KDM6A: variants seen among roughly 807,000 people sequenced by gnomAD.
The protein encoded by KDM6A is lysine demethylase 6A.
In KDM6A, 11 loss-of-function variants were observed where a neutral mutation model predicts 117.6. The ratio of observed to expected loss-of-function variants is 0.09; its 90% CI spans 0.06 to 0.15. The LOEUF is 0.15. Ranked by LOEUF, KDM6A falls within the 10% of genes least tolerant of loss-of-function variation. KDM6A has a pLI of 1.00. For missense variants in KDM6A, 799 were observed against 1,077.3 expected (o/e 0.74, Z 3.62); for synonymous variants, 384 against 396.1 (o/e 0.97, Z 0.36).
intron 4 of KDM6A, among the ~76,000 whole-genome samples, chrX:45,009,129 A>G (rs1235070324): frequency 4.5e-5 from 5 of 112,219 alleles, no homozygotes; most frequent in Non-Finnish European, 9.4e-5. Flanking sequence ...ATTCGAGGAT[A>G]ATCCAGAGTA....
At chrX:44,878,048 G>A (rs2031867287) in intron 2 of KDM6A, among the ~76,000 whole-genome samples, 1 of 111,599 alleles carries the variant, frequency 9.0e-6, no homozygotes, top group South Asian at 3.7e-4. Context: ...TCTCATTTAT[G>A]TGTGTTTTTT....
chrX:44,988,103 G>A lies in KDM6A; in HGVS notation c.384+13388G>A, dbSNP rs772944119. Among the ~76,000 whole-genome samples the A allele has an allele frequency of 2.2e-3, 243 of 111,697 alleles. 1 individual carries two copies. The highest frequency in any genetic ancestry group is 4.0e-3 in the Non-Finnish European group (210 of 53,128). On this transcript the variant is annotated intron_variant, in intron 4 of 29. Coordinates refer to ENST00000611820, the MANE Select transcript of KDM6A (RefSeq NM_001291415.2). ...CCCGTATTTCTTGCAGGCTTTGTTC[G>A]TTTCTTTTTATTCTTTTTTCTCTAA... is the stretch of plus-strand genomic sequence containing the variant.
At chrX:45,068,083 A>G (rs1326244130) in intron 17 of KDM6A, among the ~76,000 whole-genome samples, 1 of 111,761 alleles carries the variant, frequency 8.9e-6, no homozygotes, top group Non-Finnish European at 1.9e-5. Flanking sequence ...TAGATGATTA[A>G]ATGCACCTTT....
At chrX:45,077,234 A>G (rs763111004) in intron 19 of KDM6A, among the ~76,000 whole-genome samples, 6 of 110,620 alleles carry the variant, frequency 5.4e-5, no homozygotes, top group East Asian at 2.8e-4. Flanking sequence ...GTTTGAGAAC[A>G]TAAGTGTGAT....
chrX:44,992,008 C>T (rs897326808), intron 4 of KDM6A, among the ~76,000 whole-genome samples: 11 of 110,183 alleles, frequency 1.0e-4, no homozygotes, highest in Admixed American at 6.8e-4. Flanking sequence ...GTTTTTAATG[C>T]CCCATCAGGG....
chrX:45,088,130 A>G (rs971040222), intron 25 of KDM6A, among the ~76,000 whole-genome samples: 4 of 111,665 alleles, frequency 3.6e-5, no homozygotes, highest in African/African-American at 6.5e-5. Flanking sequence ...ATGGCAATAC[A>G]TGGGTGAAAT....
At chrX:45,069,169 C>G (rs1219641168) in intron 17 of KDM6A, among the ~76,000 whole-genome samples, 2 of 112,257 alleles carry the variant, frequency 1.8e-5, no homozygotes, top group Admixed American at 1.9e-4. Flanking sequence ...GCTTAATGAA[C>G]TCACTTTCTA....
At chrX:44,970,089 A>T (rs1251965701) in intron 3 of KDM6A, among the ~76,000 whole-genome samples, 1 of 111,710 alleles carries the variant, frequency 9.0e-6, no homozygotes, top group Non-Finnish European at 1.9e-5. Context: ...AGTTTTAATG[A>T]TTTTTTTTCT....
chrX:44,899,004 G>GGTGTGTGTGT (rs745714866), intron 2 of KDM6A, among the ~76,000 whole-genome samples: 831 of 79,355 alleles, frequency 0.01, 12 homozygotes, highest in African/African-American at 0.03. Flanking sequence ...GGAGAGGGAG[G>GGTGTGTGTGT]GTGTGTGTGT....
At chrX:44,902,892 A>G (rs2034442983) in intron 2 of KDM6A, among the ~76,000 whole-genome samples, 1 of 111,845 alleles carries the variant, frequency 8.9e-6, no homozygotes, top group African/African-American at 3.3e-5. Flanking sequence ...TTATGTGACA[A>G]AAAGCAGTAG....
rs1255459820 is a variant in KDM6A, at chrX:44,922,027, CCTTTTTTTT to C, written c.226-39256_226-39248del. On this transcript the variant is annotated intron_variant, in intron 2 of 29. Coordinates refer to ENST00000611820, the MANE Select transcript of KDM6A (RefSeq NM_001291415.2). ...ATGCTGATAAAATTCATTGTGTGTG[CCTTTTTTTT>C]TTTTTTTTTTTTTTTTTTTTTTTTT... is the stretch of plus-strand genomic sequence containing the variant. Among the ~76,000 whole-genome samples, 31 of 37,714 alleles carry C rather than the reference CCTTTTTTTT, an allele frequency of 8.2e-4. 3 individuals carry two copies. The highest frequency in any genetic ancestry group is 3.1e-3 in the African/African-American group (23 of 7,528). The allele number at this position is 37,714 out of a possible 115,157, so 32.8% of individuals were successfully genotyped here.
chrX:44,979,686 A>G (rs12353702), intron 4 of KDM6A, among the ~76,000 whole-genome samples: 13,026 of 109,802 alleles, frequency 0.12, 903 homozygotes, highest in African/African-American at 0.26. Context: ...CTCACCTTTT[A>G]AATTCTGTTT....
intron 4 of KDM6A, among the ~76,000 whole-genome samples, chrX:44,981,887 C>T (rs761985041): frequency 9.0e-6 from 1 of 111,728 alleles, no homozygotes; most frequent in Non-Finnish European, 1.9e-5. Context: ...AGTTTGAGAC[C>T]AGCCTGGCCA....
At chrX:45,083,246 T>G (rs1041005831) in intron 23 of KDM6A, among the ~76,000 whole-genome samples, 34 of 112,174 alleles carry the variant, frequency 3.0e-4, no homozygotes, top group African/African-American at 1.0e-3. Context: ...AAAATAGTTT[T>G]TTTCTTTTAT....
chrX:45,009,587 TA>T (rs1453557056), intron 4 of KDM6A, among the ~76,000 whole-genome samples: 1 of 111,954 alleles, frequency 8.9e-6, no homozygotes, highest in Non-Finnish European at 1.9e-5. Flanking sequence ...ACCCAGCCCC[TA>T]TTCAAGATGG....
chrX:45,062,947 C>T (rs2044366106), intron 16 of KDM6A, among the ~76,000 whole-genome samples, 199 bp downstream of exon 16: 1 of 111,657 alleles, frequency 9.0e-6, no homozygotes, highest in Non-Finnish European at 1.9e-5. Context: ...GAAGAAGATA[C>T]TTTGTATTTT....
rs1342652028 is a variant in KDM6A at position 45,040,811 on chromosome X, C to G, written c.654+3122C>G. ...CTCCCTCCCGGACGGGGCGGCTGGC[C>G]GGGCGGGGGGCTGATCCCCCCACCT... is the stretch of plus-strand genomic sequence containing the variant. On this transcript the variant is annotated intron_variant, in intron 8 of 29. Coordinates refer to ENST00000611820, the MANE Select transcript of KDM6A (RefSeq NM_001291415.2). Among the ~76,000 whole-genome samples, 141 of 79,140 alleles carry G rather than the reference C, an allele frequency of 1.8e-3. 1 individual carries two copies. Among genetic ancestry groups the G allele is most frequent in the South Asian group, 3.8e-3 (5 of 1,310 alleles). The allele number at this position is 79,140 out of a possible 115,157, so 68.7% of individuals were successfully genotyped here. A position where few individuals can be genotyped will look rare whatever the true frequency, so the allele number is the denominator to read the frequency against.
At chrX:44,995,638 A>G (rs2040829316) in intron 4 of KDM6A, among the ~76,000 whole-genome samples, 1 of 109,605 alleles carries the variant, frequency 9.1e-6, no homozygotes, top group South Asian at 3.9e-4. Context: ...CTAATTTTGT[A>G]TTTATTTTTT....
chrX:44,895,240 G>C (rs1201642968), intron 2 of KDM6A, among the ~76,000 whole-genome samples: 3 of 108,421 alleles, frequency 2.8e-5, no homozygotes, highest in Non-Finnish European at 5.7e-5. Context: ...CAAGTAGCTG[G>C]GACTACAGGT....
Sources: gnomAD v4.1 joint callset for allele counts (sites outside exome capture counted in the v4.1 genomes callset) on GRCh38, gnomAD v4.1.1 for gene constraint, MANE v1.5 for transcripts, NCBI Gene and HGNC (gene_info 2026-07-23, HGNC 2026-07-21) for gene names.